Variants in HCFC2 observed in about 807,000 individuals in gnomAD.
The protein encoded by HCFC2 is host cell factor C2, also known as host cell factor 2.
In HCFC2, 18 loss-of-function variants were observed where a neutral mutation model predicts 89.2. That is an observed-to-expected ratio of 0.20 (90% confidence interval 0.14 to 0.30). HCFC2 has a LOEUF of 0.30. HCFC2 is among the 10% of genes least tolerant of loss of function. The pLI is 1.00. For missense variants in HCFC2, 578 were observed against 956.1 expected (o/e 0.60, Z 5.21); for synonymous variants, 308 against 335.7 (o/e 0.92, Z 0.90).
intron 4 of HCFC2, among the ~76,000 whole-genome samples, chr12:104,080,141 C>T (rs1883638838): frequency 1.3e-5 from 2 of 152,082 alleles, no homozygotes; most frequent in Non-Finnish European, 2.9e-5. Context: ...ATCTTCTGTC[C>T]AGTGTACTCT....
chr12:104,064,710 C>A lies in HCFC2; in HGVS notation c.150C>A (p.His50Gln). ...GGNEGIADELHVYNTATNQWF... is the reference protein window; with the variant it reads ...GGNEGIADELQVYNTATNQWF... ...ATGAGGGCATCGCGGATGAGCTGCACGTCTACAACACGGGTAGGCGCGGCG... is the reference window on the plus strand; with the variant it reads ...ATGAGGGCATCGCGGATGAGCTGCAAGTCTACAACACGGGTAGGCGCGGCG... The change falls in exon 1 of 15, where the codon CAC (histidine) becomes CAA (glutamine). Residue 50 changes from histidine to glutamine, a missense_variant. This residue lies in a region of HCFC2 where 206 missense variants were observed against 419.2 expected (regional missense o/e 0.49). Coordinates refer to ENST00000229330, the MANE Select transcript of HCFC2 (RefSeq NM_013320.3). This position sits in a 1 kb window ranked among gnomAD's most constrained non-coding sequence, Gnocchi z 7.3. 1 of 1,565,170 alleles carries A rather than the reference C, an allele frequency of 6.4e-7. No individual in the cohort carries two copies. Among genetic ancestry groups the A allele is most frequent in the Non-Finnish European group, 8.6e-7 (1 of 1,158,122 alleles).
At chr12:104,078,679 T>A (rs980927922) in intron 3 of HCFC2, among the ~76,000 whole-genome samples, 2 of 152,220 alleles carry the variant, frequency 1.3e-5, no homozygotes, top group Non-Finnish European at 2.9e-5. Flanking sequence ...CAATAGTGAT[T>A]GTTCTGGTTA....
rs939451187 is a variant in HCFC2 at position 104,064,820 on chromosome 12, C to T, written c.163+97C>T. On this transcript the variant is annotated intron_variant, in intron 1 of 14. Coordinates refer to ENST00000229330, the MANE Select transcript of HCFC2 (RefSeq NM_013320.3). The surrounding 1 kb of genome is among the most constrained non-coding windows in gnomAD (Gnocchi z 7.3). ...CGCGGCCCTGACAGCTGTCACCGCC[C>T]GGTCACTGCTTCCTTGGGCGGGCGG... 3 of 1,152,018 alleles carry T rather than the reference C, an allele frequency of 2.6e-6. No homozygotes were observed. Among genetic ancestry groups the T allele is most frequent in the African/African-American group, 1.6e-5 (1 of 61,040 alleles). The allele number at this position is 1,152,018 out of a possible 1,614,324, so 71.4% of individuals were successfully genotyped here.
At chr12:104,072,087 A>G (rs1488951527) in intron 3 of HCFC2, among the ~76,000 whole-genome samples, 5 of 152,182 alleles carry the variant, frequency 3.3e-5, no homozygotes, top group Admixed American at 2.0e-4. Flanking sequence ...CAGAAATGTG[A>G]TTTGGCCAGG....
At chr12:104,081,714 T>C (rs527873205) in intron 5 of HCFC2, among the ~76,000 whole-genome samples, 11 of 151,926 alleles carry the variant, frequency 7.2e-5, no homozygotes, top group African/African-American at 2.4e-4. Context: ...AAATTTTCCA[T>C]TGAAACCCCA....
At chr12:104,097,509 C>A in intron 12 of HCFC2, 1 of 179,032 alleles carries the variant, frequency 5.6e-6, no homozygotes, top group Non-Finnish European at 1.1e-5. Flanking sequence ...TTTTTTTTAA[C>A]TTTAAAGACT....
intron 9 of HCFC2, among the ~76,000 whole-genome samples, chr12:104,090,098 A>G (rs570834805): frequency 6.6e-6 from 1 of 151,750 alleles, no homozygotes; most frequent in East Asian, 1.9e-4. Context: ...CTTTCTTTGT[A>G]TTTTCCTTTA....
intron 7 of HCFC2, among the ~76,000 whole-genome samples, chr12:104,083,940 C>T (rs1436157011): frequency 6.6e-6 from 1 of 152,116 alleles, no homozygotes; most frequent in African/African-American, 2.4e-5. Flanking sequence ...AAGAGGTTCA[C>T]TTGAGCCCAG....
At chr12:104,085,089 A>G (rs1309832532) in intron 7 of HCFC2, among the ~76,000 whole-genome samples, 1 of 152,202 alleles carries the variant, frequency 6.6e-6, no homozygotes, top group Non-Finnish European at 1.5e-5. Flanking sequence ...AGATTATAAA[A>G]CGTATAATGA....
At chr12:104,087,038 G>A (rs1309516873) in intron 8 of HCFC2, 24 bp downstream of exon 8, 2 of 1,610,814 alleles carry the variant, frequency 1.2e-6, no homozygotes, top group Non-Finnish European at 1.7e-6. Flanking sequence ...CATGCTTAAA[G>A]TATGTGTGCT....
chr12:104,097,266 C>A lies in HCFC2; in HGVS notation c.1740+833C>A, dbSNP rs576444717. 9.7e-4 allele frequency among the ~76,000 whole-genome samples: 148 copies of A among 152,014 alleles called. 5 individuals carry two copies. In the South Asian group the frequency reaches 0.03, roughly 31 times the overall value. On this transcript the variant is annotated intron_variant, in intron 12 of 14. Transcript: ENST00000229330. ...TCAATCATGACTTTATGGGTTATGA[C>A]CATATATTTACCTTTATCAGCTTTC...
chr12:104,096,380 C>T lies in HCFC2; in HGVS notation c.1687C>T (p.Pro563Ser), dbSNP rs763634516. The T allele has an allele frequency of 1.9e-6, 3 of 1,604,664 alleles. No individual in the cohort carries two copies. In the South Asian group the frequency reaches 3.4e-5, roughly 18 times the overall value. The change falls in exon 12 of 15, where the codon CCT becomes TCT. Residue 563 changes from proline (P) to serine (S), a missense_variant. Pro to Ser is a moderately conservative substitution (Grantham distance 74). This residue lies in a region of HCFC2 where 210 missense variants were observed against 251.7 expected (regional missense o/e 0.83). Coordinates refer to ENST00000229330, the MANE Select transcript of HCFC2 (RefSeq NM_013320.3). ...KSEVDETYALPATKISRVETH... is the reference protein window; with the variant it reads ...KSEVDETYALSATKISRVETH... ...TTTAGTTGATGAAACATATGCACTGCCTGCAACGAAGATCAGCCGTGTAGA... is the reference window on the plus strand; with the variant it reads ...TTTAGTTGATGAAACATATGCACTGTCTGCAACGAAGATCAGCCGTGTAGA...
At chr12:104,098,594 G>C (rs951971442) in intron 13 of HCFC2, 114 bp downstream of exon 13, 4 of 1,088,302 alleles carry the variant, frequency 3.7e-6, no homozygotes, top group Non-Finnish European at 5.3e-6. Context: ...TTCTTTTTTA[G>C]AACCCTGATT....
intron 3 of HCFC2, among the ~76,000 whole-genome samples, chr12:104,071,326 G>A (rs997882657): frequency 1.1e-4 from 16 of 152,214 alleles, no homozygotes; most frequent in African/African-American, 3.9e-4. Flanking sequence ...ATTAGCTTTT[G>A]TTAGGTTATT....
chr12:104,098,577 A>C (rs1292665953), intron 13 of HCFC2, 97 bp downstream of exon 13: 1 of 1,261,880 alleles, frequency 7.9e-7, no homozygotes, highest in Non-Finnish European at 1.1e-6. Flanking sequence ...AAAATTAAGA[A>C]TGAGATTTCT....
intron 3 of HCFC2, among the ~76,000 whole-genome samples, chr12:104,075,270 A>T (rs915008247): frequency 6.6e-6 from 1 of 151,838 alleles, no homozygotes; most frequent in African/African-American, 2.4e-5. Context: ...AAATCTCTAT[A>T]TCCATTTTTA....
chr12:104,099,239 T>C (rs1014764342), intron 13 of HCFC2, among the ~76,000 whole-genome samples: 7 of 151,898 alleles, frequency 4.6e-5, no homozygotes, highest in African/African-American at 2.4e-5. Context: ...CACTATACAA[T>C]ACTAAGGGGG....
intron 3 of HCFC2, among the ~76,000 whole-genome samples, chr12:104,075,727 T>C (rs977230873): frequency 6.6e-6 from 1 of 152,212 alleles, no homozygotes; most frequent in African/African-American, 2.4e-5. Flanking sequence ...CCCAAGGTGC[T>C]GGGATTACCC....
At chr12:104,079,423 A>C (rs1883614882) in intron 3 of HCFC2, 22 bp from the exon 4 acceptor site, 1 of 1,548,388 alleles carries the variant, frequency 6.5e-7, no homozygotes, top group Admixed American at 1.7e-5. Context: ...TGAATGTTTT[A>C]ATTTTTTCTA....
Sources: allele counts gnomAD v4.1 joint callset (sites outside exome capture counted in the v4.1 genomes callset), GRCh38; gene constraint gnomAD v4.1.1; regional missense constraint gnomAD v4.1.1; non-coding constraint Gnocchi (gnomAD v3.1); transcripts MANE v1.5; gene names NCBI Gene and HGNC (gene_info 2026-07-23, HGNC 2026-07-21).